The following SLC22A16 variants were observed in gnomAD, a reference collection of about 807,000 sequenced individuals.
The protein encoded by SLC22A16 is solute carrier family 22 member 16.
A neutral mutation model predicts 52.9 loss-of-function variants in SLC22A16; 53 were observed. The observed-to-expected ratio is 1.00, with a 90% CI of 0.80 to 1.26. The LOEUF is 1.26. Ranked by LOEUF, SLC22A16 falls within the 50% of genes most tolerant of loss-of-function variation. SLC22A16 has a pLI of 0.00. For synonymous variants in SLC22A16, 291 were observed against 268.8 expected, an observed-to-expected ratio of 1.08 and a Z score of -0.81; for missense variants, 726 against 704.0, an observed-to-expected ratio of 1.03 and a Z score of -0.35.
chr6:110,463,000 C>T lies in SLC22A16; in HGVS notation c.54-5983G>A, dbSNP rs533623551. Among the ~76,000 whole-genome samples the T allele has an allele frequency of 2.0e-5, 3 of 151,894 alleles. No individual in the cohort carries two copies. In the South Asian group the frequency reaches 6.2e-4, roughly 32 times the overall value. ...TTCTTAAAGGAAAAAAAAAAGCCTC[C>T]CAAGAATTTTATATCCTGCCAAATA... On this transcript the variant is annotated intron_variant, in intron 1 of 7. Transcript: ENST00000368919.
Position 110,456,609 on chromosome 6 carries a change from T to A in SLC22A16, c.462A>T (p.Ala154=). Residue 154 remains alanine, a synonymous_variant, in exon 2 of 8, where the codon GCA becomes GCT. Coordinates refer to ENST00000368919, the MANE Select transcript of SLC22A16 (RefSeq NM_033125.4). ...ACATAAATAGGGGCTGGATCAGCAT[T>A]GCAAGCCATTTTCGGTCACAGACCA... ...WNLVCDRKWL[A]MLIQPLFMFG... is the part of the protein sequence containing the mutation. 1 of 1,614,158 alleles carries A rather than the reference T, an allele frequency of 6.2e-7. No homozygotes were observed.
At chr6:110,453,762 C>T (rs1250127166) in intron 2 of SLC22A16, 3 of 452,074 alleles carry the variant, frequency 6.6e-6, no homozygotes, top group Admixed American at 2.4e-5. Flanking sequence ...AAAAGAACAC[C>T]TAAGACTGGA....
chr6:110,476,560 G>A lies in SLC22A16; in HGVS notation c.15C>T (p.His5=), dbSNP rs193273903. 639 of 1,535,406 alleles carry A rather than the reference G, an allele frequency of 4.2e-4. 1 individual carries two copies. In the African/African-American group the frequency reaches 8.5e-3, roughly 20 times the overall value. Residue 5 remains histidine, a synonymous_variant, in exon 1 of 8, where the codon CAC becomes CAT. Coordinates refer to ENST00000368919, the MANE Select transcript of SLC22A16 (RefSeq NM_033125.4). MGSR[H]FEGIYDHVGH... is the part of the protein sequence containing the mutation. ...CCACGTGGTCATAAATCCCCTCGAA[G>A]TGGCGGGACCCCATGGTGCGGCCGT...
intron 7 of SLC22A16, among the ~76,000 whole-genome samples, chr6:110,426,316 A>G (rs1774254293): frequency 6.6e-6 from 1 of 152,312 alleles, no homozygotes; most frequent in Non-Finnish European, 1.5e-5. Flanking sequence ...AAATAGAATC[A>G]AATGGAAGAT....
At chr6:110,438,095 C>T (rs1294047562) in intron 5 of SLC22A16, among the ~76,000 whole-genome samples, 6 of 151,958 alleles carry the variant, frequency 3.9e-5, no homozygotes, top group Admixed American at 3.9e-4. Flanking sequence ...AAAGAGTACA[C>T]ACGGGTGCCA....
At chr6:110,438,623 C>A in intron 5 of SLC22A16, 97 bp downstream of exon 5, 1 of 1,310,500 alleles carries the variant, frequency 7.6e-7, no homozygotes, top group Non-Finnish European at 1.0e-6. Flanking sequence ...CCAAATCATA[C>A]TCTGAATTGA....
At chr6:110,438,943 C>T in intron 4 of SLC22A16, 96 bp from the exon 5 acceptor site, 1 of 1,476,494 alleles carries the variant, frequency 6.8e-7, no homozygotes, top group South Asian at 1.3e-5. Flanking sequence ...CATGAGCAGC[C>T]CTCTCCTCAC....
chr6:110,465,996 A>G (rs1776046095), intron 1 of SLC22A16, among the ~76,000 whole-genome samples: 2 of 152,182 alleles, frequency 1.3e-5, no homozygotes, highest in Admixed American at 1.3e-4. Flanking sequence ...ACTGACAACC[A>G]ACTGATCGTC....
chr6:110,433,039 A>T (rs1774568528), intron 6 of SLC22A16, among the ~76,000 whole-genome samples: 1 of 152,228 alleles, frequency 6.6e-6, no homozygotes, highest in African/African-American at 2.4e-5. Flanking sequence ...TGTGAATTCC[A>T]GTTCCACAAC....
Position 110,442,558 on chromosome 6 carries a change from T to C in SLC22A16, c.869A>G (p.Glu290Gly), listed in dbSNP as rs1270853907. 26 of 1,614,166 alleles carry C rather than the reference T, an allele frequency of 1.6e-5. No individual in the cohort carries two copies. The highest frequency in any genetic ancestry group is 2.0e-5 in the Non-Finnish European group (24 of 1,180,028). Residue 290 changes from glutamate to glycine, a missense_variant, in exon 4 of 8, where the codon GAG becomes GGG. Glu to Gly is a moderately conservative substitution (Grantham distance 98). Transcript: ENST00000368919. The part of the protein sequence containing the change: ...PFILCCWVLP[E>G]TPFWLLSEGR... ...CTCTGAGAGAAGCCAAAAAGGTGTC[T>C]CTGGGAGCACCCAACAGCACAGGAT...
chr6:110,437,503 C>T (rs1244308819), intron 5 of SLC22A16, among the ~76,000 whole-genome samples: 3 of 152,172 alleles, frequency 2.0e-5, no homozygotes, highest in Admixed American at 6.5e-5. Context: ...CTGGAAATTT[C>T]ATTACATAAA....
intron 1 of SLC22A16, among the ~76,000 whole-genome samples, chr6:110,459,051 C>T (rs1775772610): frequency 1.3e-5 from 2 of 151,654 alleles, no homozygotes. Context: ...CTGGAGAAGC[C>T]TGACAAATAC....
chr6:110,460,254 C>T (rs1400917788), intron 1 of SLC22A16, among the ~76,000 whole-genome samples: 1 of 152,138 alleles, frequency 6.6e-6, no homozygotes, highest in Non-Finnish European at 1.5e-5. Flanking sequence ...TCTCAAGAGC[C>T]TCTATATTTT....
At chr6:110,428,578 A>G (rs1774368726) in intron 7 of SLC22A16, among the ~76,000 whole-genome samples, 1 of 152,238 alleles carries the variant, frequency 6.6e-6, no homozygotes, top group Admixed American at 6.5e-5. Context: ...GAACAACAGT[A>G]TCTGCATTAT....
rs550744680 is a variant in SLC22A16 at position 110,474,857 on chromosome 6, C to G, written c.53+1665G>C. The G allele has an allele frequency of 2.2e-4, 109 of 505,828 alleles. 1 individual carries two copies. Among genetic ancestry groups the G allele is most frequent in the South Asian group, 1.6e-3 (108 of 68,840 alleles). The allele number at this position is 505,828 out of a possible 1,614,324, so 31.3% of individuals were successfully genotyped here. ...AATCTGTTTGATTGGGCACTTTAGT[C>G]AAACACCAACTAATATAATTACCTC... is the stretch of plus-strand genomic sequence containing the variant. On this transcript the variant is annotated intron_variant, in intron 1 of 7. Coordinates refer to ENST00000368919, the MANE Select transcript of SLC22A16 (RefSeq NM_033125.4).
intron 2 of SLC22A16, chr6:110,456,264 A>G (rs1775647539): frequency 2.5e-6 from 1 of 396,950 alleles, no homozygotes; most frequent in African/African-American, 2.0e-5. Context: ...TCACCAGCCT[A>G]TAGACAAAGA....
chr6:110,471,163 A>T (rs893112415), intron 1 of SLC22A16, among the ~76,000 whole-genome samples: 2 of 152,164 alleles, frequency 1.3e-5, no homozygotes, highest in African/African-American at 2.4e-5. Flanking sequence ...TATTAATATC[A>T]TATTTTTACC....
At chr6:110,431,706 C>T (rs1321341709) in intron 6 of SLC22A16, among the ~76,000 whole-genome samples, 1 of 152,114 alleles carries the variant, frequency 6.6e-6, no homozygotes, top group African/African-American at 2.4e-5. Context: ...CAACACATGA[C>T]CGTAAAAAAA....
At position 110,431,175 on chromosome 6, in the gene SLC22A16, G is replaced by T; in HGVS notation, c.1517C>A (p.Pro506Gln). The T allele has an allele frequency of 6.2e-7, 1 of 1,613,696 alleles. No individual in the cohort carries two copies. Among genetic ancestry groups the T allele is most frequent in the South Asian group, 1.1e-5 (1 of 91,060 alleles). ...VDLSSIWIFI[P>Q]QLFVGTMALL... is the part of the protein sequence containing the mutation. ...GGTCTGCAAACTGAAGCACACCTGTGGTATGAAGATCCAAATGCTGCTGAG... is the reference window on the plus strand; with the variant it reads ...GGTCTGCAAACTGAAGCACACCTGTTGTATGAAGATCCAAATGCTGCTGAG... Residue 506 changes from proline (P) to glutamine (Q), a missense_variant, in exon 7 of 8, where the codon CCA becomes CAA. Pro to Gln is a moderately conservative substitution (Grantham distance 76). Coordinates refer to ENST00000368919, the MANE Select transcript of SLC22A16 (RefSeq NM_033125.4).
Sources: gnomAD v4.1 joint callset for allele counts (sites outside exome capture counted in the v4.1 genomes callset) on GRCh38, gnomAD v4.1.1 for gene constraint, MANE v1.5 for transcripts, NCBI Gene and HGNC (gene_info 2026-07-23, HGNC 2026-07-21) for gene names.